The following LIN54 variants were observed in gnomAD, a reference collection of about 807,000 sequenced individuals.
The protein encoded by LIN54 is protein lin-54 homolog.
Under a neutral mutation model 78.7 loss-of-function variants are expected in LIN54, and 9 were observed. The ratio of observed to expected loss-of-function variants is 0.11; its 90% CI spans 0.07 to 0.20. LIN54 has a LOEUF of 0.20. Ranked by LOEUF, LIN54 falls within the 10% of genes least tolerant of loss-of-function variation. The pLI, the probability that LIN54 is intolerant of heterozygous loss-of-function variation, is 1.00. For synonymous variants in LIN54, 269 were observed against 318.4 expected (o/e 0.84, Z 1.65); for missense variants, 573 against 889.9 (o/e 0.64, Z 4.53).
At chr4:82,979,062 T>C in intron 2 of LIN54, 56 bp from the exon 3 acceptor site, 1 of 1,359,934 alleles carries the variant, frequency 7.4e-7, no homozygotes, top group Admixed American at 2.0e-5. Context: ...GCCTATTAAA[T>C]CAAAATTATA....
chr4:82,948,105 A>T (rs1723550949), intron 4 of LIN54, among the ~76,000 whole-genome samples: 1 of 152,238 alleles, frequency 6.6e-6, no homozygotes, highest in Non-Finnish European at 1.5e-5. Context: ...TTAAATGTAT[A>T]AATATGGAAG....
intron 1 of LIN54, among the ~76,000 whole-genome samples, chr4:83,002,362 A>G (rs1051148044): frequency 5.3e-5 from 8 of 149,618 alleles, no homozygotes; most frequent in South Asian, 2.2e-4. Context: ...GCGAGACCTC[A>G]CCTCTAAAAA....
At chr4:82,983,007 G>GTTTTTTTTT (rs66577460) in intron 2 of LIN54, among the ~76,000 whole-genome samples, 1 of 116,974 alleles carries the variant, frequency 8.5e-6, no homozygotes. Context: ...TGCATTTCTT[G>GTTTTTTTTT]TTTTTTTTTT....
rs115143058 is a variant in LIN54, at chr4:82,981,955, G to A, written c.684+2206C>T. The stretch of plus-strand genomic sequence containing the variant: ...AGGCTGACGTGGGAGGAGCATTTGA[G>A]CTTGGGGGGTCAAGGCTGCAGTGGA... On this transcript the variant is annotated intron_variant, in intron 2 of 12. Coordinates refer to ENST00000340417, the MANE Select transcript of LIN54 (RefSeq NM_194282.4). Among the ~76,000 whole-genome samples, 1,270 of 152,196 alleles carry A rather than the reference G, an allele frequency of 8.3e-3. 21 individuals carry two copies. Among genetic ancestry groups the A allele is most frequent in the African/African-American group, 0.028 (1,182 of 41,504 alleles).
intron 4 of LIN54, among the ~76,000 whole-genome samples, chr4:82,950,929 C>T (rs530892355): frequency 2.0e-5 from 3 of 152,132 alleles, no homozygotes; most frequent in Admixed American, 6.5e-5. Flanking sequence ...GATTTTGATA[C>T]GTATTTGTAG....
chr4:82,972,948 T>TTAA (rs1553953865), intron 3 of LIN54, among the ~76,000 whole-genome samples: 14 of 59,386 alleles, frequency 2.4e-4, no homozygotes, highest in Non-Finnish European at 2.9e-4. Context: ...AGAATCCCTC[T>TTAA]AAAAAAAAAA....
intron 4 of LIN54, among the ~76,000 whole-genome samples, chr4:82,962,368 T>C (rs1015031613): frequency 6.6e-6 from 1 of 152,202 alleles, no homozygotes; most frequent in Non-Finnish European, 1.5e-5. Flanking sequence ...CTAAGTTACC[T>C]ACTTTTAATA....
At chr4:82,937,133 G>A (rs575104370) in intron 9 of LIN54, 94 bp downstream of exon 9, 36 of 771,538 alleles carry the variant, frequency 4.7e-5, no homozygotes, top group South Asian at 4.5e-4. Context: ...AGACTTATGA[G>A]CTTTGGTCTG....
chr4:82,939,488 TG>T (rs1211090472), intron 7 of LIN54, 50 bp downstream of exon 7: 1 of 1,446,618 alleles, frequency 6.9e-7, no homozygotes, highest in African/African-American at 1.4e-5. Flanking sequence ...CTAGACATCT[TG>T]GACCCCATTA....
At position 82,926,729 on chromosome 4, in the gene LIN54, T is replaced by A. The variant is rs1433514914; in HGVS notation, c.*1373A>T. 4 of 152,174 alleles carry A rather than the reference T, an allele frequency of 2.6e-5. No homozygotes were observed. The highest frequency in any genetic ancestry group is 4.1e-4 in the South Asian group (2 of 4,828). The allele number at this position is 152,174 out of a possible 1,614,324, so 9.4% of individuals were successfully genotyped here. On this transcript the variant is annotated 3_prime_UTR_variant, in exon 13 of 13. Transcript: ENST00000340417. Reference sequence around the variant, plus strand: ...GACCTTCCAAATCACTGGCTGAAAATAATGCCATATTAAACTTCCCTTATA... The same window carrying A: ...GACCTTCCAAATCACTGGCTGAAAAAAATGCCATATTAAACTTCCCTTATA...
intron 11 of LIN54, among the ~76,000 whole-genome samples, chr4:82,933,978 C>T (rs1348489915): frequency 1.3e-5 from 2 of 152,108 alleles, no homozygotes; most frequent in African/African-American, 2.4e-5. Flanking sequence ...TTTACATATT[C>T]GTGACAATTT....
intron 4 of LIN54, among the ~76,000 whole-genome samples, chr4:82,951,965 C>T (rs1237558519): frequency 6.6e-6 from 1 of 152,092 alleles, no homozygotes; most frequent in Non-Finnish European, 1.5e-5. Flanking sequence ...ACAAATTACA[C>T]ACAAATGAAC....
chr4:83,008,937 C>A (rs1308415317), intron 1 of LIN54, among the ~76,000 whole-genome samples: 1 of 152,146 alleles, frequency 6.6e-6, no homozygotes, highest in Admixed American at 6.5e-5. Context: ...TTTTAAAATT[C>A]TTAGTCTTAC....
chr4:82,942,023 G>C (rs1280757523), intron 5 of LIN54, among the ~76,000 whole-genome samples: 1 of 152,250 alleles, frequency 6.6e-6, no homozygotes, highest in African/African-American at 2.4e-5. Context: ...AGGTTTCACT[G>C]ATGTAAAAGT....
intron 1 of LIN54, among the ~76,000 whole-genome samples, chr4:83,008,060 G>T (rs1329869490): frequency 6.6e-6 from 1 of 151,982 alleles, no homozygotes; most frequent in Non-Finnish European, 1.5e-5. Context: ...AGCCTACTAT[G>T]GTGTTTTTAC....
At chr4:82,960,995 G>A (rs1303683166) in intron 4 of LIN54, among the ~76,000 whole-genome samples, 1 of 152,128 alleles carries the variant, frequency 6.6e-6, no homozygotes, top group East Asian at 1.9e-4. Context: ...AGGAAGTCAA[G>A]GTTGCAGTGA....
At position 82,925,877 on chromosome 4, in the gene LIN54, T is replaced by TC. The variant is rs1721428485; in HGVS notation, c.*2224dup. The TC allele has an allele frequency of 6.6e-6, 1 of 152,580 alleles. No homozygotes were observed. Among genetic ancestry groups the TC allele is most frequent in the African/African-American group, 2.4e-5 (1 of 41,454 alleles). The allele number at this position is 152,580 out of a possible 1,614,324, so 9.5% of individuals were successfully genotyped here. ...AGCTAAAAAATTATATACCCAACCC[T>TC]CCCCAAATAGTCTTTTAAAATCATT... On this transcript the variant is annotated 3_prime_UTR_variant, in exon 13 of 13. Coordinates refer to ENST00000340417, the MANE Select transcript of LIN54 (RefSeq NM_194282.4).
At position 82,926,093 on chromosome 4, in the gene LIN54, A is replaced by G. The variant is rs1159570976; in HGVS notation, c.*2009T>C. ...TTTACAAGCAAAACATTCGTAAGCA[A>G]TGCCATCATACATAATCTACAATTG... On this transcript the variant is annotated 3_prime_UTR_variant, in exon 13 of 13. Transcript: ENST00000340417. The G allele has an allele frequency of 6.6e-6, 1 of 152,632 alleles. No individual in the cohort carries two copies. Among genetic ancestry groups the G allele is most frequent in the Admixed American group, 6.5e-5 (1 of 15,282 alleles). The allele number at this position is 152,632 out of a possible 1,614,324, so 9.5% of individuals were successfully genotyped here. A position where few individuals can be genotyped will look rare whatever the true frequency, so the allele number is the denominator to read the frequency against.
At chr4:82,930,284 TACCAG>T (rs1424295887) in intron 12 of LIN54, among the ~76,000 whole-genome samples, 1 of 152,236 alleles carries the variant, frequency 6.6e-6, no homozygotes, top group Non-Finnish European at 1.5e-5. Context: ...AACTTTCTAA[TACCAG>T]TCCAGTCCAG....
Sources: allele counts gnomAD v4.1 joint callset (sites outside exome capture counted in the v4.1 genomes callset), GRCh38; gene constraint gnomAD v4.1.1; transcripts MANE v1.5; gene names NCBI Gene and HGNC (gene_info 2026-07-23, HGNC 2026-07-21).